The following CCNB2 variants were observed in gnomAD, a reference collection of about 807,000 sequenced individuals.
CCNB2 encodes G2/mitotic-specific cyclin-B2.
In CCNB2, 39 loss-of-function variants were observed where a neutral mutation model predicts 51.1. The observed-to-expected ratio is 0.76, with a 90% CI of 0.59 to 1.00. The LOEUF (loss-of-function observed/expected upper bound fraction) is 1.00. Ranked by LOEUF, CCNB2 falls within the 50% of genes least tolerant of loss-of-function variation. The probability of loss-of-function intolerance (pLI) is 0.00; values close to 1 mark genes in which losing one functional copy is unlikely to be tolerated. For missense variants in CCNB2, 472 were observed against 470.3 expected, an observed-to-expected ratio of 1.00 and a Z score of -0.03; for synonymous variants, 174 against 165.5, an observed-to-expected ratio of 1.05 and a Z score of -0.40.
chr15:59,113,278 T>C (rs2079265423), intron 3 of CCNB2, among the ~76,000 whole-genome samples: 1 of 152,194 alleles, frequency 6.6e-6, no homozygotes. Flanking sequence ...ATAAATTAGT[T>C]AAAGAGAAGA....
At chr15:59,106,308 G>A (rs2079235512) in intron 1 of CCNB2, among the ~76,000 whole-genome samples, 1 of 152,088 alleles carries the variant, frequency 6.6e-6, no homozygotes, top group African/African-American at 2.4e-5. Flanking sequence ...TCCTTTTGTG[G>A]ATCTAAGTCC....
intron 3 of CCNB2, among the ~76,000 whole-genome samples, chr15:59,112,857 A>AC (rs1309343658): frequency 6.7e-6 from 1 of 150,360 alleles, no homozygotes; most frequent in African/African-American, 2.4e-5. Flanking sequence ...ACACGGTGAA[A>AC]CCCCGTCTCT....
intron 7 of CCNB2, among the ~76,000 whole-genome samples, chr15:59,123,292 T>A (rs2079311171): frequency 1.3e-5 from 2 of 152,216 alleles, no homozygotes; most frequent in Non-Finnish European, 2.9e-5. Flanking sequence ...GCACTTGATT[T>A]AGTCTGGTCT....
At chr15:59,106,417 C>A (rs1434666652) in intron 1 of CCNB2, among the ~76,000 whole-genome samples, 3 of 152,206 alleles carry the variant, frequency 2.0e-5, no homozygotes, top group African/African-American at 7.2e-5. Context: ...TGGCCCCTCT[C>A]TCTGCCTGGT....
intron 7 of CCNB2, among the ~76,000 whole-genome samples, 181 bp downstream of exon 7, chr15:59,117,549 G>T (rs1341548976): frequency 1.3e-5 from 2 of 152,142 alleles, no homozygotes; most frequent in African/African-American, 4.8e-5. Flanking sequence ...GCCCACTGCA[G>T]CCTTGACTTC....
chr15:59,123,737 TG>T lies in CCNB2; in HGVS notation c.1086+111del. The T allele has an allele frequency of 1.9e-5, 7 of 364,536 alleles. No individual in the cohort carries two copies. The Admixed American group carries it at 4.6e-4, about 24-fold the overall frequency. The allele number at this position is 364,536 out of a possible 1,614,324, so 22.6% of individuals were successfully genotyped here. A position where few individuals can be genotyped will look rare whatever the true frequency, so the allele number is the denominator to read the frequency against. On this transcript the variant is annotated intron_variant, in intron 8 of 8. Coordinates refer to ENST00000288207, the MANE Select transcript of CCNB2 (RefSeq NM_004701.4). ...CCGTCATGTAAATATATTAATAACA[TG>T]TGGGAGTTTTAGCACAAATCCTTTA...
chr15:59,123,702 G>GC, intron 8 of CCNB2, 75 bp downstream of exon 8: 5 of 677,806 alleles, frequency 7.4e-6, no homozygotes, highest in Admixed American at 2.4e-5. Context: ...GCGGGGGGGG[G>GC]CGGTGTGTGC....
chr15:59,120,350 G>A (rs1484059235), intron 7 of CCNB2, among the ~76,000 whole-genome samples: 2 of 152,112 alleles, frequency 1.3e-5, no homozygotes, highest in Admixed American at 6.5e-5. Flanking sequence ...TAGGAGAGCT[G>A]GTCATGGTAG....
chr15:59,107,724 A>C, intron 3 of CCNB2, 54 bp downstream of exon 3: 3 of 1,376,518 alleles, frequency 2.2e-6, no homozygotes. Flanking sequence ...GTTTTTAGCC[A>C]GACTACAAGG....
chr15:59,123,027 A>G (rs1479556378), intron 7 of CCNB2, among the ~76,000 whole-genome samples: 1 of 152,170 alleles, frequency 6.6e-6, no homozygotes, highest in Non-Finnish European at 1.5e-5. Context: ...TCTGGATTTG[A>G]TAGATTGTTG....
chr15:59,106,738 C>G (rs2079237107), intron 1 of CCNB2, among the ~76,000 whole-genome samples: 1 of 152,128 alleles, frequency 6.6e-6, no homozygotes, highest in Admixed American at 6.5e-5. Context: ...AAGAGAAAAT[C>G]CATTCTATGG....
rs370035973 is a variant in CCNB2 at position 59,107,071 on chromosome 15, C to T, written c.25-251C>T. Among the ~76,000 whole-genome samples the T allele has an allele frequency of 2.6e-5, 4 of 152,154 alleles. No homozygotes were observed. The East Asian group carries it at 7.7e-4, about 29-fold the overall frequency. On this transcript the variant is annotated intron_variant, in intron 1 of 8. Transcript: ENST00000288207. ...TCTCTTACAGGCCCACTTGAATACT[C>T]AGAATAGCTTTGCAAGGTTAGTGGG...
rs942137190 is a variant in CCNB2 at position 59,112,169 on chromosome 15, G to A, written c.268-2275G>A. Among the ~76,000 whole-genome samples, 5 of 151,790 alleles carry A rather than the reference G, an allele frequency of 3.3e-5. No homozygotes were observed. In the South Asian group the frequency reaches 8.3e-4, roughly 25 times the overall value. On this transcript the variant is annotated intron_variant, in intron 3 of 8. Coordinates refer to ENST00000288207, the MANE Select transcript of CCNB2 (RefSeq NM_004701.4). ...ACTTGGCCTGGGTTCTCAAATTCTT[G>A]TATAAATGGCATGCATGCCTGCATA...
chr15:59,109,090 G>A (rs577315498), intron 3 of CCNB2, among the ~76,000 whole-genome samples: 16 of 152,182 alleles, frequency 1.1e-4, no homozygotes, highest in African/African-American at 2.9e-4. Context: ...TTGCTCTGTC[G>A]CCCAGGCTGC....
chr15:59,105,981 C>T (rs1426523047), intron 1 of CCNB2, among the ~76,000 whole-genome samples: 1 of 152,174 alleles, frequency 6.6e-6, no homozygotes, highest in African/African-American at 2.4e-5. Context: ...TTATTTCATC[C>T]TTGCAGAGAT....
At chr15:59,117,121 A>AT (rs2079282432) in intron 6 of CCNB2, 107 bp from the exon 7 acceptor site, 2 of 1,179,428 alleles carry the variant, frequency 1.7e-6, no homozygotes, top group Admixed American at 3.7e-5. Context: ...AATTCTTGAG[A>AT]AGGATAAGTG....
rs1214151545 is a variant in CCNB2, at chr15:59,117,300, TATC to T, written c.911_913del (p.His304del). 5 of 1,613,816 alleles carry T rather than the reference TATC, an allele frequency of 3.1e-6. No individual in the cohort carries two copies. The highest frequency in any genetic ancestry group is 4.2e-6 in the Non-Finnish European group (5 of 1,180,010). On this transcript the variant is annotated inframe_deletion, in exon 7 of 9. Transcript: ENST00000288207. ...TCTCATCGACTATGATATGGTGCAT[TATC>T]ATCCTTCTAAGGTAGCAGCAGCTGC...
Position 59,124,877 on chromosome 15 carries a change from G to C in CCNB2, c.1197G>C (p.Ter399TyrextTer19). ...DLASPLIGRS[*>Y] ...CCTCCCCACTGATAGGAAGGTCCTA[G>C]GCTGCCGTGGCCCCTGGGGATGTGT... The change falls in exon 9 of 9, where the codon TAG (stop) becomes TAC (tyrosine). Residue 399 changes from the stop codon to tyrosine, a stop_lost. Coordinates refer to ENST00000288207, the MANE Select transcript of CCNB2 (RefSeq NM_004701.4). 6.4e-7 allele frequency: 1 copy of C among 1,559,780 alleles called. No homozygotes were observed. Among genetic ancestry groups the C allele is most frequent in the Non-Finnish European group, 8.7e-7 (1 of 1,152,610 alleles).
intron 8 of CCNB2, 66 bp downstream of exon 8, chr15:59,123,693 CG>C (rs371736407): frequency 0.02 from 7,446 of 377,636 alleles, 372 homozygotes; most frequent in African/African-American, 0.12. Flanking sequence ...GTATGTTGGG[CG>C]GGGGGGGGCG....
Sources: gnomAD v4.1 joint callset for allele counts (sites outside exome capture counted in the v4.1 genomes callset) on GRCh38, gnomAD v4.1.1 for gene constraint, MANE v1.5 for transcripts, NCBI Gene and HGNC (gene_info 2026-07-23, HGNC 2026-07-21) for gene names.